The following IRAK2 variants were observed in gnomAD, a reference collection of about 807,000 sequenced individuals.
IRAK2 encodes the protein interleukin 1 receptor associated kinase 2.
A neutral mutation model predicts 72.0 loss-of-function variants in IRAK2; 57 were observed. The observed-to-expected ratio is 0.79, with a 90% confidence interval of 0.64 to 0.99. The LOEUF (loss-of-function observed/expected upper bound fraction) is 0.99, where lower values mean the gene tolerates loss of function less well. IRAK2 is among the 50% of genes least tolerant of loss of function. IRAK2 has a pLI of 0.00. For missense variants in IRAK2, 790 were observed against 794.4 expected (o/e 0.99, Z 0.07); for synonymous variants, 293 against 312.7 (o/e 0.94, Z 0.67).
rs756560186 is a variant in IRAK2, at chr3:10,200,432, A to G, written c.341A>G (p.Lys114Arg). The G allele has an allele frequency of 2.5e-6, 4 of 1,608,604 alleles. No individual in the cohort carries two copies. In the African/African-American group the frequency reaches 5.3e-5, roughly 21 times the overall value. The change falls in exon 3 of 13, where the codon AAG (lysine) becomes AGG (arginine). Residue 114 changes from lysine (K) to arginine (R), a missense_variant. Lys to Arg is a conservative substitution (Grantham distance 26). Transcript: ENST00000256458. ...PAFPDSVKPE[K>R]PLAASVRKAE... ...TTCCCTGACTCTGTGAAGCCAGAAA[A>G]GCCTTTGGCAGCTTCTGTAAGAAAG...
chr3:10,198,994 T>C (rs903540672), intron 2 of IRAK2, among the ~76,000 whole-genome samples: 12 of 151,792 alleles, frequency 7.9e-5, no homozygotes, highest in Admixed American at 2.0e-4. Flanking sequence ...TGGGAGGCAA[T>C]GGGGAGACAG....
intron 3 of IRAK2, among the ~76,000 whole-genome samples, chr3:10,203,891 G>T (rs1697399735): frequency 1.3e-5 from 2 of 152,128 alleles, no homozygotes; most frequent in South Asian, 4.1e-4. Flanking sequence ...CAAAGTGCTG[G>T]GATTACAGGC....
At chr3:10,203,760 T>C (rs1448300474) in intron 3 of IRAK2, among the ~76,000 whole-genome samples, 1 of 152,158 alleles carries the variant, frequency 6.6e-6, no homozygotes, top group Non-Finnish European at 1.5e-5. Flanking sequence ...GCCTCCCGAG[T>C]AGCTGGCACT....
intron 2 of IRAK2, among the ~76,000 whole-genome samples, chr3:10,184,736 T>G (rs1327047311): frequency 2.1e-5 from 3 of 141,178 alleles, no homozygotes; most frequent in Non-Finnish European, 3.1e-5. Flanking sequence ...TTTTTTTTTT[T>G]TTTTTTTTTT....
intron 1 of IRAK2, among the ~76,000 whole-genome samples, chr3:10,173,937 T>C (rs1274168930): frequency 6.6e-6 from 1 of 151,872 alleles, no homozygotes; most frequent in African/African-American, 2.4e-5. Context: ...CACCTTAGAG[T>C]TTAATTCCTG....
intron 2 of IRAK2, among the ~76,000 whole-genome samples, chr3:10,191,878 A>AAATG (rs201260866): frequency 0.015 from 2,342 of 152,252 alleles, 58 homozygotes; most frequent in African/African-American, 0.05. Context: ...CCCTAACACA[A>AAATG]AATGAATGAA....
In IRAK2 at chr3:10,226,408, A is replaced by G; in HGVS notation, c.1247A>G (p.Asp416Gly). The change falls in exon 10 of 13, where the codon GAT becomes GGT. Residue 416 changes from aspartate to glycine, a missense_variant. Asp to Gly is a moderately conservative substitution (Grantham distance 94). Coordinates refer to ENST00000256458, the MANE Select transcript of IRAK2 (RefSeq NM_001570.4). The stretch of plus-strand genomic sequence containing the variant: ...GTCCTCACGGGCATCCCTGCAATGG[A>G]TAACAACCGAAGCCCGGTTTACCTG... ...AEVLTGIPAM[D>G]NNRSPVYLKD... 1 of 1,613,628 alleles carries G rather than the reference A, an allele frequency of 6.2e-7. No homozygotes were observed. The highest frequency in any genetic ancestry group is 8.5e-7 in the Non-Finnish European group (1 of 1,179,844).
chr3:10,178,768 C>A (rs1231605559), intron 2 of IRAK2, among the ~76,000 whole-genome samples: 1 of 152,194 alleles, frequency 6.6e-6, no homozygotes, highest in Non-Finnish European at 1.5e-5. Flanking sequence ...ATTTTCTCTG[C>A]ATGGGCAAGG....
At chr3:10,241,983 A>G in intron 12 of IRAK2, 133 bp from the exon 13 acceptor site, 1 of 476,686 alleles carries the variant, frequency 2.1e-6, no homozygotes, top group Non-Finnish European at 3.5e-6. Flanking sequence ...GATAAAAAAA[A>G]AAGAAAAAAA....
chr3:10,207,232 C>A (rs972375070), intron 3 of IRAK2, among the ~76,000 whole-genome samples: 1 of 152,082 alleles, frequency 6.6e-6, no homozygotes, highest in Admixed American at 6.5e-5. Flanking sequence ...GGATTACAAG[C>A]CTGAGCCACT....
intron 3 of IRAK2, among the ~76,000 whole-genome samples, chr3:10,208,655 C>G (rs1056759195): frequency 1.1e-4 from 16 of 151,226 alleles, no homozygotes; most frequent in Admixed American, 4.0e-4. Flanking sequence ...CCCAGCTACT[C>G]GGGAGGCTGA....
chr3:10,166,327 G>C (rs1417402374), intron 1 of IRAK2, among the ~76,000 whole-genome samples: 1 of 152,194 alleles, frequency 6.6e-6, no homozygotes, highest in African/African-American at 2.4e-5. Flanking sequence ...ATAATTCCGT[G>C]GGAAGGCACT....
chr3:10,174,618 G>A (rs1160698710), intron 1 of IRAK2, among the ~76,000 whole-genome samples: 35 of 151,850 alleles, frequency 2.3e-4, no homozygotes, highest in African/African-American at 8.2e-4. Context: ...TCTGCCTCCC[G>A]GGTTCAAGTG....
intron 10 of IRAK2, among the ~76,000 whole-genome samples, chr3:10,227,817 C>T (rs2125162304): frequency 6.6e-6 from 1 of 152,064 alleles, no homozygotes; most frequent in Non-Finnish European, 1.5e-5. Context: ...TACAGGCGCC[C>T]ACCACCACAC....
In IRAK2 at chr3:10,240,405, C is replaced by T. The variant is rs565707711; in HGVS notation, c.1765+1366C>T. On this transcript the variant is annotated intron_variant, in intron 12 of 12. Coordinates refer to ENST00000256458, the MANE Select transcript of IRAK2 (RefSeq NM_001570.4). ...CCGGGAGGTGGAGGCTGCAGTGAGCCGAGATTGCACCACTGCACTCCAGCC... is the reference window on the plus strand; with the variant it reads ...CCGGGAGGTGGAGGCTGCAGTGAGCTGAGATTGCACCACTGCACTCCAGCC... Among the ~76,000 whole-genome samples, 12 of 150,782 alleles carry T rather than the reference C, an allele frequency of 8.0e-5. 1 individual carries two copies. The highest frequency in any genetic ancestry group is 2.1e-4 in the South Asian group (1 of 4,740).
At chr3:10,185,651 G>A (rs528709571) in intron 2 of IRAK2, among the ~76,000 whole-genome samples, 25 of 150,944 alleles carry the variant, frequency 1.7e-4, no homozygotes, top group Non-Finnish European at 3.5e-4. Context: ...GAGGTGGGTG[G>A]ATCACTTGAG....
chr3:10,201,012 T>C (rs1697351717), intron 3 of IRAK2, among the ~76,000 whole-genome samples: 1 of 152,222 alleles, frequency 6.6e-6, no homozygotes, highest in East Asian at 1.9e-4. Context: ...CATGGAAACA[T>C]ACTGACAATA....
intron 2 of IRAK2, among the ~76,000 whole-genome samples, chr3:10,187,134 G>A (rs1697088731): frequency 6.6e-6 from 1 of 151,078 alleles, no homozygotes; most frequent in Admixed American, 6.6e-5. Context: ...TTCAGATTAG[G>A]GTGACTCCAA....
rs201789350 is a variant in IRAK2 at position 10,216,948 on chromosome 3, A to T, written c.803A>T (p.Asn268Ile). 3 of 1,613,972 alleles carry T rather than the reference A, an allele frequency of 1.9e-6. No individual in the cohort carries two copies. Among genetic ancestry groups the T allele is most frequent in the Non-Finnish European group, 2.5e-6 (3 of 1,179,860 alleles). The change falls in exon 7 of 13, where the codon AAT becomes ATT. Residue 268 changes from asparagine to isoleucine, a missense_variant. Transcript: ENST00000256458. ...CCCGATTCCAGATGCTGCCACCCCA[A>T]TGTCTTACCTGTGCTGGGCTTCTGT... is the stretch of plus-strand genomic sequence containing the variant. ...LQICLRCCHP[N>I]VLPVLGFCAA...
Sources: allele counts gnomAD v4.1 joint callset (sites outside exome capture counted in the v4.1 genomes callset), GRCh38; gene constraint gnomAD v4.1.1; transcripts MANE v1.5; gene names NCBI Gene and HGNC (gene_info 2026-07-23, HGNC 2026-07-21).